The following ASIC2 variants were observed in gnomAD, a reference collection of about 807,000 sequenced individuals.
ASIC2 encodes the protein acid sensing ion channel subunit 2, also known as acid-sensing ion channel 2.
A neutral mutation model predicts 57.3 loss-of-function variants in ASIC2; 25 were observed. The ratio of observed to expected loss-of-function variants is 0.44; its 90% CI spans 0.32 to 0.61. The LOEUF is 0.61. Ranked by LOEUF, ASIC2 falls within the 20% of genes least tolerant of loss-of-function variation. The pLI is 0.06. For missense variants in ASIC2, 641 were observed against 738.1 expected, an observed-to-expected ratio of 0.87 and a Z score of 1.52; for synonymous variants, 319 against 307.5, an observed-to-expected ratio of 1.04 and a Z score of -0.39.
At chr17:33,816,182 T>A (rs1055008798) in intron 1 of ASIC2, among the ~76,000 whole-genome samples, 5 of 27,206 alleles carry the variant, frequency 1.8e-4, no homozygotes, top group Non-Finnish European at 2.9e-4. Context: ...GGGGGGCGGG[T>A]GGGGTAGAGA....
chr17:33,022,402 A>G (rs911976294), intron 6 of ASIC2, among the ~76,000 whole-genome samples: 4 of 152,210 alleles, frequency 2.6e-5, no homozygotes, highest in Non-Finnish European at 4.4e-5. Flanking sequence ...CATTTCCATC[A>G]TCACACAGCA....
intron 1 of ASIC2, among the ~76,000 whole-genome samples, chr17:33,731,263 A>G (rs1909733222): frequency 6.6e-6 from 1 of 152,196 alleles, no homozygotes; most frequent in South Asian, 2.1e-4. Context: ...TGGGAAGTAG[A>G]CATTTGAAGT....
At chr17:33,140,980 G>A (rs2092385506) in intron 1 of ASIC2, among the ~76,000 whole-genome samples, 1 of 152,236 alleles carries the variant, frequency 6.6e-6, no homozygotes, top group African/African-American at 2.4e-5. Context: ...AGCTAAGCCT[G>A]AGCAGAGCAA....
chr17:33,552,897 G>T (rs900615858), intron 1 of ASIC2, among the ~76,000 whole-genome samples: 1 of 152,244 alleles, frequency 6.6e-6, no homozygotes, highest in African/African-American at 2.4e-5. Context: ...GTGCTGCTGG[G>T]CTCTCTTGCA....
intron 1 of ASIC2, among the ~76,000 whole-genome samples, chr17:34,124,411 C>T (rs1322609977): frequency 6.6e-6 from 1 of 152,182 alleles, no homozygotes; most frequent in East Asian, 1.9e-4. Context: ...TTTAGTACTG[C>T]TAGGGAGATC....
At chr17:34,105,464 ATTTCC>A (rs989556507) in intron 1 of ASIC2, among the ~76,000 whole-genome samples, 9 of 126,358 alleles carry the variant, frequency 7.1e-5, no homozygotes, top group Non-Finnish European at 1.2e-4. Flanking sequence ...TATCTTTATT[ATTTCC>A]TTTCATCTAC....
At chr17:33,330,439 G>A (rs149795224) in intron 1 of ASIC2, among the ~76,000 whole-genome samples, 3 of 152,272 alleles carry the variant, frequency 2.0e-5, no homozygotes, top group African/African-American at 7.2e-5. Flanking sequence ...AAGTCTGCGT[G>A]TATTGAGCCA....
chr17:34,122,791 G>A (rs926998458), intron 1 of ASIC2, among the ~76,000 whole-genome samples: 10 of 152,188 alleles, frequency 6.6e-5, no homozygotes, highest in African/African-American at 1.9e-4. Context: ...AAGCTGCTCA[G>A]GGAGAGATAA....
intron 1 of ASIC2, among the ~76,000 whole-genome samples, chr17:33,585,370 C>T (rs1014330938): frequency 6.6e-6 from 1 of 152,220 alleles, no homozygotes; most frequent in Non-Finnish European, 1.5e-5. Flanking sequence ...GTCTTGGTTC[C>T]ATTCCCTTGC....
chr17:33,906,425 A>T (rs1037840317), intron 1 of ASIC2, among the ~76,000 whole-genome samples: 1 of 152,192 alleles, frequency 6.6e-6, no homozygotes, highest in Non-Finnish European at 1.5e-5. Flanking sequence ...CCTATCTTCA[A>T]TGCTGAGTAA....
intron 1 of ASIC2, among the ~76,000 whole-genome samples, chr17:33,617,543 G>T (rs1013283592): frequency 5.3e-5 from 8 of 152,056 alleles, no homozygotes; most frequent in African/African-American, 1.9e-4. Flanking sequence ...ACTACCTATT[G>T]GGTATTATGC....
At chr17:33,613,023 C>T (rs1242581610) in intron 1 of ASIC2, among the ~76,000 whole-genome samples, 1 of 152,186 alleles carries the variant, frequency 6.6e-6, no homozygotes, top group African/African-American at 2.4e-5. Flanking sequence ...GCAGACATTT[C>T]TGGTGCTTGG....
chr17:33,743,978 G>A (rs929825915), intron 1 of ASIC2, among the ~76,000 whole-genome samples: 3 of 152,164 alleles, frequency 2.0e-5, no homozygotes, highest in Non-Finnish European at 4.4e-5. Context: ...AAGCTAATCA[G>A]AGGCTAGCAC....
In ASIC2 at chr17:34,038,356, C is replaced by T. The variant is rs1470852948; in HGVS notation, c.555+117622G>A. The T allele has an allele frequency of 2.5e-6, 4 of 1,610,790 alleles. No homozygotes were observed. In the African/African-American group the frequency reaches 5.3e-5, roughly 22 times the overall value. On this transcript the variant is annotated intron_variant, in intron 1 of 9. Transcript: ENST00000359872. ...TATCCAGTGAAAAGTAATCATACAG[C>T]TTAACTATTCTGGGATGGTCCAGCT...
At chr17:33,787,472 A>T (rs534676155) in intron 1 of ASIC2, among the ~76,000 whole-genome samples, 54 of 152,354 alleles carry the variant, frequency 3.5e-4, no homozygotes, top group South Asian at 2.3e-3. Context: ...GCGTGAAGCC[A>T]TATGTTACCA....
chr17:34,052,770 T>C (rs143627356), intron 1 of ASIC2, among the ~76,000 whole-genome samples: 166 of 151,988 alleles, frequency 1.1e-3, no homozygotes, highest in Non-Finnish European at 2.1e-3. Context: ...ATGCTTGCCA[T>C]CATGCCCAGC....
At chr17:34,037,811 A>G in intron 1 of ASIC2, 1 of 1,614,222 alleles carries the variant, frequency 6.2e-7, no homozygotes, top group Non-Finnish European at 8.5e-7. Flanking sequence ...TTCAGGTGTT[A>G]CTACCGGCTT....
intron 1 of ASIC2, among the ~76,000 whole-genome samples, chr17:33,521,246 TC>T: frequency 6.6e-6 from 1 of 152,224 alleles, no homozygotes; most frequent in South Asian, 2.1e-4. Flanking sequence ...AACACTGTCG[TC>T]GGCCAAGGGG....
intron 1 of ASIC2, among the ~76,000 whole-genome samples, chr17:33,348,862 T>C (rs957465663): frequency 6.6e-6 from 1 of 152,172 alleles, no homozygotes; most frequent in Non-Finnish European, 1.5e-5. Flanking sequence ...AGGGATCTCA[T>C]GTGTCCCCAG....
Sources: gnomAD v4.1 joint callset for allele counts (sites outside exome capture counted in the v4.1 genomes callset) on GRCh38, gnomAD v4.1.1 for gene constraint, MANE v1.5 for transcripts, NCBI Gene and HGNC (gene_info 2026-07-23, HGNC 2026-07-21) for gene names.